IQGAP2: variants seen among roughly 807,000 people sequenced by gnomAD.
IQGAP2 encodes ras GTPase-activating-like protein IQGAP2.
A neutral mutation model predicts 201.3 loss-of-function variants in IQGAP2; 173 were observed. The ratio of observed to expected loss-of-function variants is 0.86; its 90% CI spans 0.76 to 0.98. The LOEUF is 0.98. Among genes scored for constraint, IQGAP2 ranks in the 50% least tolerant of loss-of-function variants. The pLI is 0.00. For synonymous variants in IQGAP2, 675 were observed against 673.9 expected (o/e 1.00, Z -0.03); for missense variants, 1,687 against 1,864.8 (o/e 0.90, Z 1.76).
chr5:76,619,958 A>G (rs1005585195), intron 13 of IQGAP2, among the ~76,000 whole-genome samples: 4 of 152,188 alleles, frequency 2.6e-5, no homozygotes, highest in African/African-American at 9.7e-5. Context: ...TGAAGATGGA[A>G]GAAAGGGTCA....
chr5:76,445,743 T>C (rs1015958659), intron 1 of IQGAP2, among the ~76,000 whole-genome samples: 1 of 152,200 alleles, frequency 6.6e-6, no homozygotes, highest in Non-Finnish European at 1.5e-5. Flanking sequence ...GGATTACAGA[T>C]GTGAGCCGCC....
At chr5:76,621,397 G>A (rs1749658027) in intron 13 of IQGAP2, among the ~76,000 whole-genome samples, 1 of 152,180 alleles carries the variant, frequency 6.6e-6, no homozygotes. Flanking sequence ...TGTATTTAGA[G>A]GTGATCTTAG....
rs74598408 is a variant in IQGAP2, at chr5:76,630,542, G to A, written c.1613-1317G>A. On this transcript the variant is annotated intron_variant, in intron 14 of 35. Coordinates refer to ENST00000274364, the MANE Select transcript of IQGAP2 (RefSeq NM_006633.5). ...AAATTGACCTGTGAACCAGCTCATC[G>A]ATACTCAATGATGATATATCCAAGA... Among the ~76,000 whole-genome samples, 447 of 152,224 alleles carry A rather than the reference G, an allele frequency of 2.9e-3. 2 individuals carry two copies. Among genetic ancestry groups the A allele is most frequent in the African/African-American group, 0.01 (422 of 41,552 alleles).
intron 21 of IQGAP2, among the ~76,000 whole-genome samples, chr5:76,663,625 GA>G (rs1448539937): frequency 6.6e-6 from 1 of 152,224 alleles, no homozygotes; most frequent in Non-Finnish European, 1.5e-5. Context: ...ATAAAAGATG[GA>G]AAATGTATTT....
At chr5:76,433,760 C>A (rs774481205) in intron 1 of IQGAP2, among the ~76,000 whole-genome samples, 1 of 152,122 alleles carries the variant, frequency 6.6e-6, no homozygotes, top group Non-Finnish European at 1.5e-5. Flanking sequence ...GCGTAGAGAT[C>A]GGTGAATATC....
At chr5:76,633,471 T>C in intron 15 of IQGAP2, among the ~76,000 whole-genome samples, 1 of 152,348 alleles carries the variant, frequency 6.6e-6, no homozygotes, top group Middle Eastern at 3.4e-3. Context: ...TTATTGTAAA[T>C]ATTGTTTTTT....
chr5:76,436,965 TTA>T (rs1389369792), intron 1 of IQGAP2, among the ~76,000 whole-genome samples: 10 of 151,966 alleles, frequency 6.6e-5, no homozygotes, highest in Non-Finnish European at 1.2e-4. Flanking sequence ...TAAACATACA[TTA>T]TATGTTATGC....
At chr5:76,705,244 G>T (rs1747770013) in intron 35 of IQGAP2, among the ~76,000 whole-genome samples, 1 of 152,082 alleles carries the variant, frequency 6.6e-6, no homozygotes, top group Non-Finnish European at 1.5e-5. Flanking sequence ...GATTCCAGTT[G>T]ATCCTGCAAG....
chr5:76,646,403 A>G (rs139489332), intron 17 of IQGAP2, among the ~76,000 whole-genome samples: 46 of 152,318 alleles, frequency 3.0e-4, no homozygotes, highest in Admixed American at 4.6e-4. Flanking sequence ...CACATACCCA[A>G]TGCTCTCTTT....
At chr5:76,440,927 A>T (rs957891941) in intron 1 of IQGAP2, among the ~76,000 whole-genome samples, 1 of 151,748 alleles carries the variant, frequency 6.6e-6, no homozygotes, top group Non-Finnish European at 1.5e-5. Context: ...GCTACTCGGG[A>T]GGTTGAGGCA....
At chr5:76,551,590 C>CTGAGTGA (rs1743530330) in intron 2 of IQGAP2, among the ~76,000 whole-genome samples, 1 of 152,068 alleles carries the variant, frequency 6.6e-6, no homozygotes, top group Non-Finnish European at 1.5e-5. Flanking sequence ...AGCGAGACTC[C>CTGAGTGA]GTCTGCAATC....
At chr5:76,593,010 T>C (rs1746766362) in intron 9 of IQGAP2, 85 bp downstream of exon 9, 2 of 936,050 alleles carry the variant, frequency 2.1e-6, no homozygotes, top group Non-Finnish European at 3.5e-6. Context: ...ACTCTCAATT[T>C]GTATACTTGG....
At chr5:76,467,253 C>T (rs551604567) in intron 2 of IQGAP2, among the ~76,000 whole-genome samples, 1 of 151,660 alleles carries the variant, frequency 6.6e-6, no homozygotes, top group South Asian at 2.1e-4. Context: ...GACTCTGTCT[C>T]AAAAAAATAA....
At chr5:76,439,827 G>A (rs912359198) in intron 1 of IQGAP2, among the ~76,000 whole-genome samples, 37 of 152,112 alleles carry the variant, frequency 2.4e-4, no homozygotes, top group African/African-American at 8.5e-4. Flanking sequence ...CTTTTAAGTG[G>A]AGCATTTAGG....
At chr5:76,699,654 T>TCTCTCTCA (rs1406134302) in intron 33 of IQGAP2, among the ~76,000 whole-genome samples, 1 of 92,808 alleles carries the variant, frequency 1.1e-5, no homozygotes, top group African/African-American at 4.1e-5. Flanking sequence ...TCTCTCTCTC[T>TCTCTCTCA]CTCTCTCACT....
At position 76,702,633 on chromosome 5, in the gene IQGAP2, T is replaced by C. The variant is rs369888081; in HGVS notation, c.4614+43T>C. 13 of 929,976 alleles carry C rather than the reference T, an allele frequency of 1.4e-5. No individual in the cohort carries two copies. The African/African-American group carries it at 1.8e-4, about 13-fold the overall frequency. 57.6% of individuals were successfully genotyped at this position (929,976 alleles called of 1,614,324 possible). On this transcript the variant is annotated intron_variant, in intron 35 of 35. Transcript: ENST00000274364. ...CTGCACATTGATGATAAATTTTATA[T>C]GTGGATCATACATTGCTACCCTGGC...
chr5:76,647,462 A>G lies in IQGAP2; in HGVS notation c.2095-5288A>G, dbSNP rs139763691. ...TGTTGTGGGAGGGACCCAGTGGGAG[A>G]TAATTTGAATCATGGGGGCGGTTTC... On this transcript the variant is annotated intron_variant, in intron 17 of 35. Transcript: ENST00000274364. 7.8e-3 allele frequency among the ~76,000 whole-genome samples: 1,193 copies of G among 152,104 alleles called. 15 individuals carry two copies. The highest frequency in any genetic ancestry group is 0.027 in the African/African-American group (1,125 of 41,474).
At chr5:76,683,609 T>C (rs1234793879) in intron 29 of IQGAP2, among the ~76,000 whole-genome samples, 167 bp from the exon 30 acceptor site, 4 of 152,248 alleles carry the variant, frequency 2.6e-5, no homozygotes, top group Non-Finnish European at 5.9e-5. Context: ...TTCAATCAGA[T>C]ATTTTAAAAG....
At chr5:76,640,824 A>G in intron 16 of IQGAP2, 109 bp from the exon 17 acceptor site, 1 of 827,606 alleles carries the variant, frequency 1.2e-6, no homozygotes, top group Non-Finnish European at 1.8e-6. Flanking sequence ...AAACCAAGCC[A>G]AAAGGAGACA....
Sources: gnomAD v4.1 joint callset for allele counts (sites outside exome capture counted in the v4.1 genomes callset) on GRCh38, gnomAD v4.1.1 for gene constraint, MANE v1.5 for transcripts, NCBI Gene and HGNC (gene_info 2026-07-23, HGNC 2026-07-21) for gene names.